ATG14: variants seen among roughly 807,000 people sequenced by gnomAD.
ATG14 encodes the protein beclin 1-associated autophagy-related key regulator.
Under a neutral mutation model 60.4 loss-of-function variants are expected in ATG14, and 35 were observed. That is an observed-to-expected ratio of 0.58 (90% CI 0.44 to 0.77). The LOEUF is 0.77. Ranked by LOEUF, ATG14 falls within the 30% of genes least tolerant of loss-of-function variation. The pLI is 0.00. For synonymous variants in ATG14, 234 were observed against 228.8 expected, an observed-to-expected ratio of 1.02 and a Z score of -0.21; for missense variants, 647 against 626.3, an observed-to-expected ratio of 1.03 and a Z score of -0.35.
At chr14:55,370,877 G>A (rs1487074197) in intron 9 of ATG14, among the ~76,000 whole-genome samples, 1 of 152,132 alleles carries the variant, frequency 6.6e-6, no homozygotes, top group Non-Finnish European at 1.5e-5. Flanking sequence ...CTGACCTCAA[G>A]TGATCCACCC....
At chr14:55,384,971 G>T (rs918551037) in intron 5 of ATG14, among the ~76,000 whole-genome samples, 6 of 152,208 alleles carry the variant, frequency 3.9e-5, no homozygotes, top group African/African-American at 1.4e-4. Flanking sequence ...CCAGATGGGG[G>T]AACCACTGTC....
rs562018161 is a variant in ATG14, at chr14:55,375,677, T to C, written c.1172+2142A>G. ...CATTTCAAACAGTTTCTTAGTTCTC[T>C]TGGATATCCAGTTCAATAATTATAC... On this transcript the variant is annotated intron_variant, in intron 9 of 9. Coordinates refer to ENST00000247178, the MANE Select transcript of ATG14 (RefSeq NM_014924.5). Among the ~76,000 whole-genome samples, 20 of 152,146 alleles carry C rather than the reference T, an allele frequency of 1.3e-4. No homozygotes were observed. The South Asian group carries it at 4.2e-3, about 32-fold the overall frequency.
At chr14:55,391,147 A>G in intron 3 of ATG14, 155 bp from the exon 4 acceptor site, 1 of 555,680 alleles carries the variant, frequency 1.8e-6, no homozygotes, top group Non-Finnish European at 3.1e-6. Flanking sequence ...AACATTACGA[A>G]AAAGAGAACG....
At chr14:55,389,188 T>C (rs1170295354) in intron 4 of ATG14, among the ~76,000 whole-genome samples, 1 of 152,232 alleles carries the variant, frequency 6.6e-6, no homozygotes, top group African/African-American at 2.4e-5. Context: ...AAAGAGCTGA[T>C]CAGAGCTTTT....
At chr14:55,378,706 T>C (rs1306057453) in intron 7 of ATG14, among the ~76,000 whole-genome samples, 7 of 151,590 alleles carry the variant, frequency 4.6e-5, no homozygotes, top group Admixed American at 4.6e-4. Flanking sequence ...TTACCTTTTT[T>C]GTTTGTTTTT....
At position 55,386,030 on chromosome 14, in the gene ATG14, T is replaced by C. The variant is rs1433431316; in HGVS notation, c.476A>G (p.Gln159Arg). The change falls in exon 5 of 10, where the codon CAA (glutamine) becomes CGA (arginine). Residue 159 changes from glutamine (Q) to arginine (R), a missense_variant. Transcript: ENST00000247178. The part of the protein sequence containing the change: ...QKLYSRAQRH[Q>R]EKKEKIQRHN... ...CCTCTGAATCTTCTCCTTTTTCTCT[T>C]GGTGCCGTTGTGCTCGACTGTAAAG... 1 of 1,614,176 alleles carries C rather than the reference T, an allele frequency of 6.2e-7. No homozygotes were observed. Among genetic ancestry groups the C allele is most frequent in the Non-Finnish European group, 8.5e-7 (1 of 1,180,016 alleles).
At chr14:55,376,600 CA>C (rs748433072) in intron 9 of ATG14, among the ~76,000 whole-genome samples, 38 of 152,144 alleles carry the variant, frequency 2.5e-4, no homozygotes, top group Non-Finnish European at 5.3e-4. Flanking sequence ...TGGTTAAAAG[CA>C]GATTATCACT....
At chr14:55,374,852 T>C (rs1349098598) in intron 9 of ATG14, among the ~76,000 whole-genome samples, 1 of 152,332 alleles carries the variant, frequency 6.6e-6, no homozygotes, top group East Asian at 1.9e-4. Context: ...TTTCTTCCTC[T>C]AATCACTCCA....
Position 55,378,092 on chromosome 14 carries a change from A to G in ATG14, c.996-18T>C. The G allele has an allele frequency of 6.2e-7, 1 of 1,604,410 alleles. No individual in the cohort carries two copies. Among genetic ancestry groups the G allele is most frequent in the Non-Finnish European group, 8.5e-7 (1 of 1,174,676 alleles). On this transcript the variant is annotated intron_variant, in intron 7 of 9. Transcript: ENST00000247178. ...AAAATTCACTGTAAAACAAACATAC[A>G]ATTTATAAAGTTGCATTTTTTGAGG...
intron 9 of ATG14, 118 bp from the exon 10 acceptor site, chr14:55,370,043 T>G: frequency 6.3e-6 from 6 of 946,334 alleles, no homozygotes; most frequent in Non-Finnish European, 7.7e-6. Flanking sequence ...ACCCCATTCA[T>G]TCCCCAAGTC....
At chr14:55,386,498 G>A (rs114193777) in intron 4 of ATG14, among the ~76,000 whole-genome samples, 122 of 152,330 alleles carry the variant, frequency 8.0e-4, no homozygotes, top group African/African-American at 2.7e-3. Context: ...TCTTAGGTGT[G>A]CCTTGGGCTA....
rs1885044957 is a variant in ATG14, at chr14:55,382,088, C to A, written c.751G>T (p.Val251Phe). 4 of 1,614,150 alleles carry A rather than the reference C, an allele frequency of 2.5e-6. No individual in the cohort carries two copies. Among genetic ancestry groups the A allele is most frequent in the Non-Finnish European group, 3.4e-6 (4 of 1,180,026 alleles). The part of the protein sequence containing the change: ...RRTTYLSGRW[V>F]CDDHNGDTSI... The stretch of plus-strand genomic sequence containing the variant: ...GTGTCTCCGTTGTGATCGTCACAGA[C>A]CCATCGTCCTGAGAGGTAAGTTGTC... Residue 251 changes from valine to phenylalanine, a missense_variant, in exon 6 of 10, where the codon GTC (valine) becomes TTC (phenylalanine). By Grantham distance (50) the Val-to-Phe change is conservative. Coordinates refer to ENST00000247178, the MANE Select transcript of ATG14 (RefSeq NM_014924.5).
intron 3 of ATG14, among the ~76,000 whole-genome samples, chr14:55,393,258 G>A (rs974793731): frequency 5.3e-5 from 8 of 151,964 alleles, no homozygotes; most frequent in Admixed American, 2.0e-4. Flanking sequence ...GGTGGTGGGC[G>A]CCTGTAGTCC....
intron 3 of ATG14, among the ~76,000 whole-genome samples, chr14:55,393,910 GTTTA>G (rs1885267226): frequency 6.6e-6 from 1 of 151,272 alleles, no homozygotes; most frequent in Non-Finnish European, 1.5e-5. Context: ...CTTTATCCTA[GTTTA>G]TTATTTTTTT....
chr14:55,380,186 T>G (rs1343353993), intron 7 of ATG14, among the ~76,000 whole-genome samples: 1 of 152,142 alleles, frequency 6.6e-6, no homozygotes, highest in Non-Finnish European at 1.5e-5. Context: ...AGGTGGAGGT[T>G]GCAGTGAGCA....
intron 1 of ATG14, 56 bp downstream of exon 1, chr14:55,411,546 G>A: frequency 1.3e-6 from 2 of 1,516,322 alleles, no homozygotes; most frequent in East Asian, 2.4e-5. Flanking sequence ...GCCTTCGGCT[G>A]CCTGGCTGGA....
intron 4 of ATG14, among the ~76,000 whole-genome samples, chr14:55,386,892 C>A (rs1885134446): frequency 6.6e-6 from 1 of 152,122 alleles, no homozygotes; most frequent in African/African-American, 2.4e-5. Flanking sequence ...AACTTAAACC[C>A]AAGTTCAAAA....
At chr14:55,380,508 T>G (rs1885009149) in intron 7 of ATG14, 65 bp downstream of exon 7, 1 of 1,109,506 alleles carries the variant, frequency 9.0e-7, no homozygotes, top group Non-Finnish European at 1.3e-6. Context: ...TTGGAATAAA[T>G]AAAGACAAAA....
intron 1 of ATG14, among the ~76,000 whole-genome samples, chr14:55,410,047 T>G (rs558855704): frequency 1.3e-5 from 2 of 151,990 alleles, no homozygotes; most frequent in Non-Finnish European, 2.9e-5. Flanking sequence ...CTAAACAGAG[T>G]TGGGTTAAGA....
Sources: gnomAD v4.1 joint callset for allele counts (sites outside exome capture counted in the v4.1 genomes callset) on GRCh38, gnomAD v4.1.1 for gene constraint, MANE v1.5 for transcripts, NCBI Gene and HGNC (gene_info 2026-07-23, HGNC 2026-07-21) for gene names.